Variants in NDST3 observed in about 807,000 individuals in gnomAD.
The protein encoded by NDST3 is bifunctional heparan sulfate N-deacetylase/N-sulfotransferase 3.
In NDST3, 58 loss-of-function variants were observed where a neutral mutation model predicts 96.1. The ratio of observed to expected loss-of-function variants is 0.60; its 90% CI spans 0.49 to 0.75. The LOEUF (loss-of-function observed/expected upper bound fraction) is 0.75, where lower values mean the gene tolerates loss of function less well. Ranked by LOEUF, NDST3 falls within the 30% of genes least tolerant of loss-of-function variation. The pLI is 0.00. For synonymous variants in NDST3, 333 were observed against 359.7 expected, an observed-to-expected ratio of 0.93 and a Z score of 0.84; for missense variants, 788 against 1,034.2, an observed-to-expected ratio of 0.76 and a Z score of 3.27.
chr4:118,038,040 C>G (rs182309543), intron 1 of NDST3, among the ~76,000 whole-genome samples: 1 of 152,286 alleles, frequency 6.6e-6, no homozygotes, highest in East Asian at 1.9e-4. Flanking sequence ...AACTTTACAT[C>G]TAATGGTCCA....
intron 6 of NDST3, among the ~76,000 whole-genome samples, 160 bp downstream of exon 6, chr4:118,143,844 G>C (rs938624118): frequency 6.6e-6 from 1 of 152,100 alleles, no homozygotes; most frequent in Non-Finnish European, 1.5e-5. Flanking sequence ...TCTAGAAATG[G>C]GAACAAACCA....
chr4:118,250,052 T>C (rs925924989), intron 12 of NDST3, among the ~76,000 whole-genome samples: 4 of 152,216 alleles, frequency 2.6e-5, no homozygotes, highest in African/African-American at 7.2e-5. Flanking sequence ...TTCTTTTTTA[T>C]TGTTATATAT....
At chr4:118,128,588 T>G (rs1732325002) in intron 4 of NDST3, among the ~76,000 whole-genome samples, 1 of 152,038 alleles carries the variant, frequency 6.6e-6, no homozygotes, top group Non-Finnish European at 1.5e-5. Flanking sequence ...TTTGCATTGT[T>G]AGAATTTTAT....
chr4:118,096,082 T>C (rs897804524), intron 2 of NDST3, among the ~76,000 whole-genome samples: 1 of 151,940 alleles, frequency 6.6e-6, no homozygotes. Flanking sequence ...TTGTGGTACA[T>C]ACCTAGAAGA....
chr4:118,135,983 A>G (rs191455784), intron 4 of NDST3, among the ~76,000 whole-genome samples: 1 of 152,340 alleles, frequency 6.6e-6, no homozygotes, highest in Admixed American at 6.5e-5. Context: ...TTTAAATCCA[A>G]AATAAGGGAA....
chr4:118,094,419 C>T (rs2125835494), intron 2 of NDST3, among the ~76,000 whole-genome samples: 1 of 151,922 alleles, frequency 6.6e-6, no homozygotes. Context: ...GAAGTAGCCA[C>T]AGCTTACAGG....
chr4:118,150,226 A>T (rs900247767), intron 6 of NDST3, among the ~76,000 whole-genome samples: 1 of 151,976 alleles, frequency 6.6e-6, no homozygotes, highest in East Asian at 1.9e-4. Context: ...TCTTTTTTGG[A>T]TGTGTCTCTG....
intron 6 of NDST3, among the ~76,000 whole-genome samples, chr4:118,187,662 A>C (rs1309541180): frequency 6.6e-6 from 1 of 152,222 alleles, no homozygotes; most frequent in Non-Finnish European, 1.5e-5. Context: ...GTTGTTAGAG[A>C]CATAAGCAAG....
intron 2 of NDST3, among the ~76,000 whole-genome samples, chr4:118,090,163 A>C (rs1728748729): frequency 6.6e-6 from 1 of 151,978 alleles, no homozygotes; most frequent in African/African-American, 2.4e-5. Context: ...CGTTAAAACC[A>C]CCTATACCTA....
intron 2 of NDST3, among the ~76,000 whole-genome samples, chr4:118,075,056 C>T (rs575867785): frequency 4.3e-4 from 65 of 152,136 alleles, no homozygotes; most frequent in African/African-American, 1.5e-3. Flanking sequence ...TCCCCATCCC[C>T]CCACCCCATG....
chr4:118,134,966 A>G (rs1423699850), intron 4 of NDST3, among the ~76,000 whole-genome samples: 1 of 152,216 alleles, frequency 6.6e-6, no homozygotes, highest in Non-Finnish European at 1.5e-5. Flanking sequence ...CTTAATCTCA[A>G]ATCGAACAAT....
intron 6 of NDST3, among the ~76,000 whole-genome samples, chr4:118,195,782 A>G (rs190534506): frequency 1.0e-3 from 157 of 152,300 alleles, no homozygotes; most frequent in African/African-American, 3.5e-3. Flanking sequence ...AATATAAGAT[A>G]CCATCTGCAA....
intron 2 of NDST3, among the ~76,000 whole-genome samples, chr4:118,065,725 GC>G (rs2110477000): frequency 6.6e-6 from 1 of 151,396 alleles, no homozygotes; most frequent in Non-Finnish European, 1.5e-5. Flanking sequence ...TATTGTATTG[GC>G]CTTTCCCCCT....
chr4:118,056,564 C>A (rs529981810), intron 2 of NDST3, among the ~76,000 whole-genome samples: 1 of 151,970 alleles, frequency 6.6e-6, no homozygotes, highest in Non-Finnish European at 1.5e-5. Context: ...TAATTTACTA[C>A]AGTCAATTGC....
Position 118,083,449 on chromosome 4 carries a change from T to C in NDST3, c.982-21569T>C, listed in dbSNP as rs140564689. On this transcript the variant is annotated intron_variant, in intron 2 of 13. Transcript: ENST00000296499. ...AGAATGCTTAACACAGAGCCTGGTA[T>C]TCATTAAGTGTTCATTTCTCCATAA... Among the ~76,000 whole-genome samples, 17 of 152,286 alleles carry C rather than the reference T, an allele frequency of 1.1e-4. 1 individual carries two copies. In the East Asian group the frequency reaches 2.7e-3, roughly 24 times the overall value.
At chr4:118,172,618 G>T (rs1210063698) in intron 6 of NDST3, among the ~76,000 whole-genome samples, 1 of 152,070 alleles carries the variant, frequency 6.6e-6, no homozygotes, top group South Asian at 2.1e-4. Flanking sequence ...TGAATGTTGA[G>T]GATTGGGCAT....
At chr4:118,070,955 T>C (rs995113110) in intron 2 of NDST3, among the ~76,000 whole-genome samples, 1 of 152,108 alleles carries the variant, frequency 6.6e-6, no homozygotes, top group Non-Finnish European at 1.5e-5. Flanking sequence ...GCTTCATCCA[T>C]GTCCCTACAA....
intron 4 of NDST3, among the ~76,000 whole-genome samples, chr4:118,125,236 T>C (rs920765556): frequency 6.6e-6 from 1 of 152,046 alleles, no homozygotes; most frequent in Admixed American, 6.6e-5. Context: ...GACATTTCTA[T>C]CACTCAGGAA....
chr4:118,158,163 T>C (rs1480991704), intron 6 of NDST3, among the ~76,000 whole-genome samples: 1 of 152,182 alleles, frequency 6.6e-6, no homozygotes, highest in Non-Finnish European at 1.5e-5. Context: ...CCTACCTCTA[T>C]CTAGAATCAA....
Sources: allele counts gnomAD v4.1 joint callset (sites outside exome capture counted in the v4.1 genomes callset), GRCh38; gene constraint gnomAD v4.1.1; transcripts MANE v1.5; gene names NCBI Gene and HGNC (gene_info 2026-07-23, HGNC 2026-07-21).